JAKMIP3: variants seen among roughly 807,000 people sequenced by gnomAD.
The protein encoded by JAKMIP3 is janus kinase and microtubule-interacting protein 3.
A neutral mutation model predicts 118.5 loss-of-function variants in JAKMIP3; 58 were observed. The ratio of observed to expected loss-of-function variants is 0.49; its 90% CI spans 0.40 to 0.61. JAKMIP3 has a LOEUF of 0.61. JAKMIP3 is among the 20% of genes least tolerant of loss of function. The probability of loss-of-function intolerance (pLI) is 0.00; values close to 1 mark genes in which losing one functional copy is unlikely to be tolerated. For synonymous variants in JAKMIP3, 486 were observed against 451.2 expected (o/e 1.08, Z -0.98); for missense variants, 950 against 1,109.0 (o/e 0.86, Z 2.04).
At chr10:132,148,439 C>T (rs925370293) in intron 14 of JAKMIP3, among the ~76,000 whole-genome samples, 9 of 151,060 alleles carry the variant, frequency 6.0e-5, no homozygotes, top group African/African-American at 1.7e-4. Flanking sequence ...GGAGCTGGCA[C>T]GTCCGTCCTC....
chr10:132,170,527 G>T (rs755104179), intron 23 of JAKMIP3, among the ~76,000 whole-genome samples: 1 of 152,078 alleles, frequency 6.6e-6, no homozygotes, highest in Non-Finnish European at 1.5e-5. Context: ...GGGGAGCAAG[G>T]CCCCCCACAG....
chr10:132,051,426 TG>T (rs987678879), intron 1 of JAKMIP3, among the ~76,000 whole-genome samples: 1 of 149,574 alleles, frequency 6.7e-6, no homozygotes, highest in African/African-American at 2.5e-5. Context: ...TCTGGTTATG[TG>T]GGGGGGTACC....
Position 132,168,288 on chromosome 10 carries a change from T to C in JAKMIP3, c.*358T>C, listed in dbSNP as rs1445646522. ...GCCAAGCAGGGGTGAGAACTGCTTC[T>C]GTGCAGAAGCACCAGCCGCGGGTCC... On this transcript the variant is annotated 3_prime_UTR_variant, in exon 23 of 24. Transcript: ENST00000684848. 2 of 1,289,524 alleles carry C rather than the reference T, an allele frequency of 1.6e-6. No individual in the cohort carries two copies. Among genetic ancestry groups the C allele is most frequent in the Non-Finnish European group, 2.0e-6 (2 of 988,802 alleles). The allele number at this position is 1,289,524 out of a possible 1,614,324, so 79.9% of individuals were successfully genotyped here.
chr10:132,107,240 G>T (rs1222256658), intron 2 of JAKMIP3, among the ~76,000 whole-genome samples: 1 of 152,136 alleles, frequency 6.6e-6, no homozygotes, highest in African/African-American at 2.4e-5. Flanking sequence ...ACATCCCCAG[G>T]TTTAGTCCCC....
intron 1 of JAKMIP3, among the ~76,000 whole-genome samples, chr10:132,081,891 C>T (rs1022631665): frequency 2.0e-5 from 3 of 152,012 alleles, no homozygotes; most frequent in African/African-American, 7.2e-5. Flanking sequence ...ATCTCCATGT[C>T]TCTTCTTAAC....
intron 23 of JAKMIP3, among the ~76,000 whole-genome samples, chr10:132,174,081 G>A (rs546508106): frequency 5.9e-4 from 89 of 151,906 alleles, no homozygotes; most frequent in Non-Finnish European, 1.1e-3. Flanking sequence ...GGTGGTTTCT[G>A]GTGTGCTTGT....
intron 1 of JAKMIP3, among the ~76,000 whole-genome samples, chr10:132,041,830 T>C (rs2037762765): frequency 6.6e-6 from 1 of 152,174 alleles, no homozygotes; most frequent in Non-Finnish European, 1.5e-5. Context: ...GTGTTTCTTT[T>C]CTTTCTATCC....
At chr10:132,071,271 G>T (rs1326210391) in intron 1 of JAKMIP3, among the ~76,000 whole-genome samples, 3 of 151,858 alleles carry the variant, frequency 2.0e-5, no homozygotes, top group Non-Finnish European at 2.9e-5. Flanking sequence ...GCCAGAGAAC[G>T]TACTTTGGAT....
chr10:132,159,592 GGGCA>G (rs1342971998), intron 19 of JAKMIP3, among the ~76,000 whole-genome samples: 15 of 131,074 alleles, frequency 1.1e-4, no homozygotes, highest in Non-Finnish European at 2.1e-4. Context: ...GTGATGCTGG[GGGCA>G]TGTCTTCCTA....
chr10:132,093,187 G>A (rs773501858), intron 1 of JAKMIP3, among the ~76,000 whole-genome samples: 4 of 152,324 alleles, frequency 2.6e-5, no homozygotes, highest in East Asian at 3.9e-4. Context: ...TTACTGGGGG[G>A]TGCCTCCCAG....
At chr10:132,056,271 T>C (rs2038234104) in intron 1 of JAKMIP3, among the ~76,000 whole-genome samples, 1 of 152,190 alleles carries the variant, frequency 6.6e-6, no homozygotes, top group Admixed American at 6.5e-5. Context: ...GTCCGTGGCC[T>C]GTGGAGGTGA....
Position 132,183,156 on chromosome 10 carries a change from C to T in JAKMIP3, c.*1903C>T, listed in dbSNP as rs1417932772. ...CTCACAACTGAATGGCACACAATAG[C>T]CTTGTGTTAATAAAAGCTACCGTGG... is the stretch of plus-strand genomic sequence containing the variant. On this transcript the variant is annotated 3_prime_UTR_variant, in exon 24 of 24. Coordinates refer to ENST00000684848, the MANE Select transcript of JAKMIP3 (RefSeq NM_001323087.2). 1.3e-5 allele frequency: 2 copies of T among 152,210 alleles called. No individual in the cohort carries two copies. Among genetic ancestry groups the T allele is most frequent in the African/African-American group, 4.8e-5 (2 of 41,448 alleles). The allele number at this position is 152,210 out of a possible 1,614,324, so 9.4% of individuals were successfully genotyped here. A position where few individuals can be genotyped will look rare whatever the true frequency, so the allele number is the denominator to read the frequency against.
At chr10:132,037,799 T>C (rs565614570) in intron 1 of JAKMIP3, among the ~76,000 whole-genome samples, 1 of 152,238 alleles carries the variant, frequency 6.6e-6, no homozygotes, top group Non-Finnish European at 1.5e-5. Context: ...AGCGCATATC[T>C]GGTTTGGGCT....
At chr10:132,120,805 AC>A (rs751632538) in intron 3 of JAKMIP3, among the ~76,000 whole-genome samples, 2 of 152,106 alleles carry the variant, frequency 1.3e-5, no homozygotes, top group African/African-American at 2.4e-5. Context: ...ATGAGAGAAC[AC>A]CCCGGCCTCT....
chr10:132,168,546 C>T lies in JAKMIP3; in HGVS notation c.*616C>T, dbSNP rs1201111195. ...AGCACCCGCTGGCCAACAGACCCCA[C>T]ATCCACCCTCGTTCATCATCATCTC... On this transcript the variant is annotated 3_prime_UTR_variant, in exon 23 of 24. Coordinates refer to ENST00000684848, the MANE Select transcript of JAKMIP3 (RefSeq NM_001323087.2). The T allele has an allele frequency of 7.1e-6, 3 of 421,142 alleles. No homozygotes were observed. Among genetic ancestry groups the T allele is most frequent in the African/African-American group, 2.1e-5 (1 of 47,902 alleles). The allele number at this position is 421,142 out of a possible 1,614,324, so 26.1% of individuals were successfully genotyped here.
intron 1 of JAKMIP3, among the ~76,000 whole-genome samples, chr10:132,092,861 C>T (rs990532076): frequency 6.6e-6 from 1 of 152,198 alleles, no homozygotes; most frequent in African/African-American, 2.4e-5. Context: ...TTAGAATTTC[C>T]AGCTTTTCTG....
intron 2 of JAKMIP3, among the ~76,000 whole-genome samples, chr10:132,109,093 CATATAT>C (rs199571463): frequency 2.2e-5 from 3 of 138,850 alleles, no homozygotes; most frequent in Non-Finnish European, 4.6e-5. Context: ...TATACACACA[CATATAT>C]ATATACACAC....
intron 3 of JAKMIP3, among the ~76,000 whole-genome samples, chr10:132,128,259 G>A (rs944657735): frequency 3.4e-4 from 52 of 152,158 alleles, no homozygotes; most frequent in African/African-American, 1.2e-3. Flanking sequence ...GTTAGTTTCC[G>A]TTGAAAAGCC....
chr10:132,099,795 C>G (rs1390534327), intron 1 of JAKMIP3, among the ~76,000 whole-genome samples: 1 of 152,220 alleles, frequency 6.6e-6, no homozygotes, highest in Non-Finnish European at 1.5e-5. Context: ...CCTTGTGGCT[C>G]AGGTGCGTGT....
Sources: allele counts gnomAD v4.1 joint callset (sites outside exome capture counted in the v4.1 genomes callset), GRCh38; gene constraint gnomAD v4.1.1; transcripts MANE v1.5; gene names NCBI Gene and HGNC (gene_info 2026-07-23, HGNC 2026-07-21).